Variants in RFPL2 observed in about 807,000 individuals in gnomAD.
RFPL2 encodes the protein ret finger protein like 2.
RFPL2 carries 13 observed loss-of-function variants against 17.8 expected under a neutral mutation model. The ratio of observed to expected loss-of-function variants is 0.73; its 90% CI spans 0.47 to 1.16. RFPL2 has a LOEUF of 1.16. RFPL2 is among the 50% of genes most tolerant of loss of function. RFPL2 has a pLI of 0.00. For synonymous variants in RFPL2, 189 were observed against 180.9 expected (o/e 1.04, Z -0.36); for missense variants, 431 against 479.3 (o/e 0.90, Z 0.94).
rs978873963 is a variant in RFPL2, at chr22:32,194,450, C to A, written c.160G>T (p.Gly54Ter). ...LEGVEGRDPV[G>*]GGNLTNKRPS... The stretch of plus-strand genomic sequence containing the variant: ...CTTTTATTGGTGAGATTCCCACCTC[C>A]CACTGGGTCACGCCCTTCCACACCC... The change falls in exon 3 of 5, where the codon GGA becomes TGA. Residue 54 changes from glycine (G) to a stop codon, truncating the protein, a stop_gained. Coordinates refer to ENST00000652607, the MANE Select transcript of RFPL2 (RefSeq NM_001394555.1). LOFTEE classifies it high-confidence loss of function. The A allele has an allele frequency of 1.2e-6, 2 of 1,611,570 alleles. No homozygotes were observed. The highest frequency in any genetic ancestry group is 2.7e-5 in the African/African-American group (2 of 74,736).
chr22:32,194,163 T>C (rs62239001), intron 3 of RFPL2, among the ~76,000 whole-genome samples, 182 bp downstream of exon 3: 8,145 of 152,270 alleles, frequency 0.053, 271 homozygotes, highest in Non-Finnish European at 0.081. Context: ...CCAAATTGAC[T>C]GCCACCACTC....
chr22:32,194,268 C>G (rs1923072941), intron 3 of RFPL2, 77 bp downstream of exon 3: 3 of 1,513,528 alleles, frequency 2.0e-6, no homozygotes, highest in African/African-American at 2.9e-5. Context: ...ACGAATTTCT[C>G]TCATTCATCC....
At chr22:32,203,171 G>A (rs1207148546) in intron 1 of RFPL2, 24 of 842,348 alleles carry the variant, frequency 2.8e-5, no homozygotes, top group Non-Finnish European at 3.3e-5. Flanking sequence ...ACCCAATGGC[G>A]CTGGCAGCCT....
chr22:32,191,318 G>A lies in RFPL2; in HGVS notation c.591C>T (p.Asn197=), dbSNP rs753663093. ...TGAGGTCGTCAGAAATGAGGAGGAA[G>A]TTGTTGGCTGTGTTGGCATCCAAGG... is the stretch of plus-strand genomic sequence containing the variant. ...DMTLDANTAN[N]FLLISDDLRS... Residue 197 remains asparagine (N), a synonymous_variant, in exon 5 of 5, where the codon AAC becomes AAT. Transcript: ENST00000652607. 1.2e-6 allele frequency: 2 copies of A among 1,613,648 alleles called. No homozygotes were observed. The highest frequency in any genetic ancestry group is 1.1e-5 in the South Asian group (1 of 91,058).
chr22:32,197,852 G>A (rs1245979665), intron 2 of RFPL2, among the ~76,000 whole-genome samples: 6 of 152,188 alleles, frequency 3.9e-5, no homozygotes, highest in Non-Finnish European at 5.9e-5. Flanking sequence ...ATCACACTCC[G>A]GCTGCTACTT....
chr22:32,199,672 T>A (rs919989750), intron 2 of RFPL2, among the ~76,000 whole-genome samples: 3 of 152,148 alleles, frequency 2.0e-5, no homozygotes, highest in Non-Finnish European at 2.9e-5. Flanking sequence ...CTGTTGTCTG[T>A]ACAAAAGCCC....
intron 3 of RFPL2, among the ~76,000 whole-genome samples, chr22:32,193,961 C>T (rs1158716218): frequency 6.6e-6 from 1 of 151,558 alleles, no homozygotes; most frequent in Admixed American, 6.6e-5. Flanking sequence ...TCCCTTGAAC[C>T]GAGGAGTTTG....
At chr22:32,197,806 A>C (rs1923506654) in intron 2 of RFPL2, among the ~76,000 whole-genome samples, 1 of 152,126 alleles carries the variant, frequency 6.6e-6, no homozygotes, top group African/African-American at 2.4e-5. Context: ...CCAGTCTATC[A>C]TTGATGGACT....
intron 2 of RFPL2, 66 bp downstream of exon 2, chr22:32,202,267 C>T: frequency 6.5e-7 from 1 of 1,542,116 alleles, no homozygotes; most frequent in Non-Finnish European, 8.8e-7. Context: ...CCTCCTCCTG[C>T]CTTCCTCTTT....
intron 2 of RFPL2, among the ~76,000 whole-genome samples, chr22:32,201,637 G>C (rs183969319): frequency 5.1e-4 from 77 of 152,274 alleles, no homozygotes; most frequent in African/African-American, 1.8e-3. Context: ...TGGATCCTGG[G>C]TCTCGGGTGG....
chr22:32,200,989 G>C lies in RFPL2; in HGVS notation c.119+1344C>G, dbSNP rs1177785505. Among the ~76,000 whole-genome samples, 3 of 151,830 alleles carry C rather than the reference G, an allele frequency of 2.0e-5. No individual in the cohort carries two copies. The East Asian group carries it at 5.8e-4, about 29-fold the overall frequency. Reference sequence around the variant, plus strand: ...AGGATGCTTGTGAAAGATAGTATCTGAGCTCCGCAGGAAACAGTGCAAGGA... The same window carrying C: ...AGGATGCTTGTGAAAGATAGTATCTCAGCTCCGCAGGAAACAGTGCAAGGA... On this transcript the variant is annotated intron_variant, in intron 2 of 4. Coordinates refer to ENST00000652607, the MANE Select transcript of RFPL2 (RefSeq NM_001394555.1).
At chr22:32,198,809 G>A (rs974858991) in intron 2 of RFPL2, among the ~76,000 whole-genome samples, 1 of 150,722 alleles carries the variant, frequency 6.6e-6, no homozygotes, top group Non-Finnish European at 1.5e-5. Context: ...ACGGCACTAG[G>A]CCGGGTGACC....
intron 3 of RFPL2, 62 bp from the exon 4 acceptor site, chr22:32,193,254 G>A: frequency 1.9e-6 from 3 of 1,613,446 alleles, no homozygotes; most frequent in Non-Finnish European, 2.5e-6. Flanking sequence ...TGTTAGTTGT[G>A]ACAAGTGACA....
intron 2 of RFPL2, among the ~76,000 whole-genome samples, chr22:32,197,341 T>C (rs542787906): frequency 6.6e-6 from 1 of 152,318 alleles, no homozygotes; most frequent in South Asian, 2.1e-4. Context: ...CAGTGCTGGC[T>C]GCAAAGAGCT....
intron 2 of RFPL2, among the ~76,000 whole-genome samples, chr22:32,201,975 T>C (rs1232250982): frequency 2.6e-5 from 4 of 152,166 alleles, no homozygotes; most frequent in African/African-American, 4.8e-5. Context: ...CTCCCAGGTA[T>C]GGAAGTCAGA....
In RFPL2 at chr22:32,202,500, G is replaced by A. The variant is rs769277261; in HGVS notation, c.-49C>T. On this transcript the variant is annotated 5_prime_UTR_variant, in exon 2 of 5. Coordinates refer to ENST00000652607, the MANE Select transcript of RFPL2 (RefSeq NM_001394555.1). ...GGCTCTAGCCTCCAGCCCGTGGCAT[G>A]TAGCTCCTTCTCAGGGCACTGGGCA... 7.7e-6 allele frequency: 12 copies of A among 1,554,424 alleles called. No homozygotes were observed. The African/African-American group carries it at 1.5e-4, about 19-fold the overall frequency.
At chr22:32,202,911 C>A (rs1924091302) in intron 1 of RFPL2, 1 of 998,848 alleles carries the variant, frequency 1.0e-6, no homozygotes, top group African/African-American at 1.7e-5. Context: ...GCCCCGGGGT[C>A]CCAGGCGGTC....
chr22:32,192,370 G>C (rs911737171), intron 4 of RFPL2, among the ~76,000 whole-genome samples: 1 of 152,212 alleles, frequency 6.6e-6, no homozygotes, highest in Non-Finnish European at 1.5e-5. Flanking sequence ...GGAGAACACT[G>C]TCTGAAACTC....
chr22:32,203,042 G>C (rs1390092334), intron 1 of RFPL2: 21 of 985,698 alleles, frequency 2.1e-5, no homozygotes, highest in Non-Finnish European at 2.5e-5. Flanking sequence ...AGGTGGCCGG[G>C]AAGAGGAGGA....
Sources: allele counts gnomAD v4.1 joint callset (sites outside exome capture counted in the v4.1 genomes callset), GRCh38; gene constraint gnomAD v4.1.1; transcripts MANE v1.5; gene names NCBI Gene and HGNC (gene_info 2026-07-23, HGNC 2026-07-21).